COL26A1: variants seen among roughly 807,000 people sequenced by gnomAD.
COL26A1 encodes the protein collagen type XXVI alpha 1 chain.
In COL26A1, 41 loss-of-function variants were observed where a neutral mutation model predicts 59.3. The observed-to-expected ratio is 0.69, with a 90% confidence interval of 0.54 to 0.90. COL26A1 has a LOEUF of 0.90. Among genes scored for constraint, COL26A1 ranks in the 40% least tolerant of loss-of-function variants. The probability of loss-of-function intolerance (pLI) is 0.00; values close to 1 mark genes in which losing one functional copy is unlikely to be tolerated. For missense variants in COL26A1, 612 were observed against 602.3 expected (o/e 1.02, Z -0.17); for synonymous variants, 266 against 256.0 (o/e 1.04, Z -0.37).
At chr7:101,450,167 A>G (rs913870095) in intron 3 of COL26A1, among the ~76,000 whole-genome samples, 1 of 151,844 alleles carries the variant, frequency 6.6e-6, no homozygotes, top group Non-Finnish European at 1.5e-5. Flanking sequence ...GCTAGGGAAG[A>G]GACACATGGG....
At chr7:101,500,627 G>A (rs1010541822) in intron 3 of COL26A1, among the ~76,000 whole-genome samples, 2 of 152,008 alleles carry the variant, frequency 1.3e-5, no homozygotes, top group East Asian at 1.9e-4. Context: ...AGACCAGCCT[G>A]GCTAGCATGG....
chr7:101,419,165 G>T (rs1430881227), intron 1 of COL26A1, among the ~76,000 whole-genome samples: 1 of 145,148 alleles, frequency 6.9e-6, no homozygotes, highest in Non-Finnish European at 1.5e-5. Context: ...TGCCCAGGCT[G>T]TAGTGAAGTA....
intron 10 of COL26A1, among the ~76,000 whole-genome samples, chr7:101,551,803 C>T (rs1303136260): frequency 3.3e-5 from 5 of 151,464 alleles, no homozygotes; most frequent in Admixed American, 1.3e-4. Context: ...AGGAGTCAGG[C>T]GCTTCCTTGA....
chr7:101,484,916 A>G (rs946202354), intron 3 of COL26A1, among the ~76,000 whole-genome samples: 1 of 151,708 alleles, frequency 6.6e-6, no homozygotes, highest in Non-Finnish European at 1.5e-5. Context: ...GTGCAGTGGC[A>G]CAATCTCGGC....
intron 3 of COL26A1, among the ~76,000 whole-genome samples, chr7:101,497,035 C>T (rs1186785421): frequency 1.3e-5 from 2 of 151,866 alleles, no homozygotes; most frequent in African/African-American, 2.4e-5. Flanking sequence ...GTCAGGAGTT[C>T]GAGACCAGCC....
chr7:101,495,210 C>T (rs1584461615), intron 3 of COL26A1, among the ~76,000 whole-genome samples: 1 of 152,172 alleles, frequency 6.6e-6, no homozygotes, highest in African/African-American at 2.4e-5. Context: ...AGGGCTAGAG[C>T]TTTATCTGCC....
In COL26A1 at chr7:101,558,495, G is replaced by A. The variant is rs938058223; in HGVS notation, c.*965G>A. Reference sequence around the variant, plus strand: ...AGTTTGTCTCTCAGTGGACTCTATAGGTTTGCTACTTTTGCATGACACAGC... The same window carrying A: ...AGTTTGTCTCTCAGTGGACTCTATAAGTTTGCTACTTTTGCATGACACAGC... On this transcript the variant is annotated 3_prime_UTR_variant, in exon 13 of 13. Coordinates refer to ENST00000313669, the MANE Select transcript of COL26A1 (RefSeq NM_001278563.3). 6.6e-5 allele frequency: 10 copies of A among 152,216 alleles called. No individual in the cohort carries two copies. The highest frequency in any genetic ancestry group is 2.4e-4 in the African/African-American group (10 of 41,446). The allele number at this position is 152,216 out of a possible 1,614,324, so 9.4% of individuals were successfully genotyped here.
Position 101,555,798 on chromosome 7 carries a change from G to A in COL26A1, c.1092G>A (p.Val364=), listed in dbSNP as rs566942035. ...EKAATAEGEG[V]QQLREALKIL... is the part of the protein sequence containing the mutation. ...TTCCTCCCCGCCAGGGCGAGGGGGT[G>A]CAGCAGCTGAGAGAGGCCCTGAAGA... The change falls in exon 12 of 13, where the codon GTG becomes GTA. Residue 364 remains valine (V), a synonymous_variant. Coordinates refer to ENST00000313669, the MANE Select transcript of COL26A1 (RefSeq NM_001278563.3). 15 of 1,610,450 alleles carry A rather than the reference G, an allele frequency of 9.3e-6. No individual in the cohort carries two copies. In the African/African-American group the frequency reaches 1.6e-4, roughly 17 times the overall value.
intron 1 of COL26A1, among the ~76,000 whole-genome samples, chr7:101,387,018 C>CGCACACCAG (rs1396382393): frequency 3.3e-5 from 5 of 152,096 alleles, no homozygotes; most frequent in African/African-American, 1.2e-4. Context: ...GTAGGGTTAC[C>CGCACACCAG]GCACACCAGG....
chr7:101,516,546 T>C (rs986729724), intron 3 of COL26A1, among the ~76,000 whole-genome samples: 4 of 152,162 alleles, frequency 2.6e-5, no homozygotes, highest in African/African-American at 4.8e-5. Flanking sequence ...GCTGTGATTA[T>C]AGGCATAAGC....
intron 4 of COL26A1, among the ~76,000 whole-genome samples, chr7:101,536,922 G>A (rs746724385): frequency 6.6e-6 from 1 of 152,170 alleles, no homozygotes; most frequent in Non-Finnish European, 1.5e-5. Context: ...GGAGGGTGAG[G>A]TGAAGCACCC....
intron 3 of COL26A1, among the ~76,000 whole-genome samples, chr7:101,465,278 G>A (rs537335134): frequency 1.5e-4 from 23 of 152,120 alleles, no homozygotes; most frequent in African/African-American, 5.3e-4. Flanking sequence ...GGGCTCAAAC[G>A]ATCCTCCTGC....
intron 3 of COL26A1, among the ~76,000 whole-genome samples, chr7:101,507,232 T>C (rs1018833035): frequency 1.3e-5 from 2 of 152,154 alleles, no homozygotes; most frequent in African/African-American, 4.8e-5. Flanking sequence ...GAACCACTTC[T>C]AATTCTCCTT....
intron 3 of COL26A1, among the ~76,000 whole-genome samples, chr7:101,467,971 A>G (rs1793805647): frequency 6.6e-6 from 1 of 152,120 alleles, no homozygotes; most frequent in Admixed American, 6.6e-5. Flanking sequence ...TTACATATGC[A>G]AGCTTTTAGC....
At chr7:101,458,256 CAGTT>C (rs1301281642) in intron 3 of COL26A1, among the ~76,000 whole-genome samples, 1 of 152,120 alleles carries the variant, frequency 6.6e-6, no homozygotes, top group Non-Finnish European at 1.5e-5. Flanking sequence ...GATGTCCTAC[CAGTT>C]AGTTCAATCT....
At chr7:101,551,210 C>A in intron 10 of COL26A1, 67 bp downstream of exon 10, 1 of 887,930 alleles carries the variant, frequency 1.1e-6, no homozygotes, top group Non-Finnish European at 1.7e-6. Context: ...AAGCCCAGGG[C>A]ACTGGGTGGC....
intron 3 of COL26A1, among the ~76,000 whole-genome samples, chr7:101,527,159 C>T (rs929187691): frequency 5.3e-5 from 8 of 151,526 alleles, no homozygotes; most frequent in African/African-American, 1.9e-4. Flanking sequence ...TTTCTAGAGA[C>T]GGGGTCCTGC....
intron 3 of COL26A1, among the ~76,000 whole-genome samples, chr7:101,461,113 C>G (rs749790541): frequency 6.6e-5 from 10 of 152,100 alleles, no homozygotes; most frequent in Non-Finnish European, 1.2e-4. Flanking sequence ...GTAGCTGGGA[C>G]CACAGGTGCA....
intron 1 of COL26A1, among the ~76,000 whole-genome samples, chr7:101,378,638 T>TGGGG (rs1275835197): frequency 6.6e-6 from 1 of 151,842 alleles, no homozygotes; most frequent in Non-Finnish European, 1.5e-5. Context: ...CCAAGACCGG[T>TGGGG]GGGGGGACAG....
Sources: gnomAD v4.1 joint callset for allele counts (sites outside exome capture counted in the v4.1 genomes callset) on GRCh38, gnomAD v4.1.1 for gene constraint, MANE v1.5 for transcripts, NCBI Gene and HGNC (gene_info 2026-07-23, HGNC 2026-07-21) for gene names.